S100P: variants seen among roughly 807,000 people sequenced by gnomAD.
The protein encoded by S100P is S100 calcium binding protein P.
S100P carries 7 observed loss-of-function variants against 4.7 expected under a neutral mutation model. The observed-to-expected ratio is 1.48, with a 90% confidence interval of 0.84 to 2.77. The LOEUF (loss-of-function observed/expected upper bound fraction) is 2.77. S100P is among the 30% of genes most tolerant of loss of function. The pLI is 0.00. For missense variants in S100P, 122 were observed against 120.6 expected (o/e 1.01, Z -0.06); for synonymous variants, 48 against 49.0 (o/e 0.98, Z 0.08).
intron 1 of S100P, among the ~76,000 whole-genome samples, chr4:6,696,117 C>G (rs1468636342): frequency 2.6e-5 from 4 of 152,232 alleles, no homozygotes; most frequent in Non-Finnish European, 4.4e-5. Context: ...ACACACAGCT[C>G]TCTGGCCCAG....
At chr4:6,696,129 G>C (rs1226199855) in intron 1 of S100P, among the ~76,000 whole-genome samples, 1 of 152,196 alleles carries the variant, frequency 6.6e-6, no homozygotes. Flanking sequence ...CTGGCCCAGG[G>C]CTGGGTCATC....
intron 1 of S100P, among the ~76,000 whole-genome samples, chr4:6,695,091 G>A (rs901855065): frequency 4.6e-5 from 7 of 150,912 alleles, no homozygotes; most frequent in African/African-American, 1.2e-4. Context: ...TCAGCCTACC[G>A]AGTAGCTGGG....
intron 1 of S100P, 31 bp downstream of exon 1, chr4:6,694,101 G>T (rs201438904): frequency 6.3e-7 from 1 of 1,575,110 alleles, no homozygotes; most frequent in South Asian, 1.2e-5. Flanking sequence ...TGGACTCAGC[G>T]GGGGCTGGGG....
chr4:6,694,383 C>T (rs983686402), intron 1 of S100P, among the ~76,000 whole-genome samples: 4 of 152,276 alleles, frequency 2.6e-5, no homozygotes, highest in African/African-American at 7.2e-5. Context: ...GGGGCAGGGG[C>T]GGAATGCAAT....
intron 1 of S100P, among the ~76,000 whole-genome samples, chr4:6,694,569 G>A (rs1210386531): frequency 6.6e-6 from 1 of 152,186 alleles, no homozygotes; most frequent in African/African-American, 2.4e-5. Context: ...GGAAGGACGG[G>A]AGGAGGCTCC....
At chr4:6,694,797 T>C (rs58986571) in intron 1 of S100P, among the ~76,000 whole-genome samples, 42,327 of 151,606 alleles carry the variant, frequency 0.28, 6,482 homozygotes, top group East Asian at 0.67. Flanking sequence ...TCCCCCACTT[T>C]CTTCCTTCCT....
intron 1 of S100P, among the ~76,000 whole-genome samples, chr4:6,695,893 ACTGT>A (rs1714362773): frequency 6.6e-6 from 1 of 152,204 alleles, no homozygotes; most frequent in Admixed American, 6.5e-5. Flanking sequence ...ATACGAGGTG[ACTGT>A]CTGCCTACAA....
Position 6,695,008 on chromosome 4 carries a change from A to G in S100P, c.138+938A>G, listed in dbSNP as rs915711789. On this transcript the variant is annotated intron_variant, in intron 1 of 1. Coordinates refer to ENST00000296370, the MANE Select transcript of S100P (RefSeq NM_005980.3). ...GAGACAAGATGTCACTCTGTCACCC[A>G]GGCTGGAGTGCAGTGGCAGGATCAC... Among the ~76,000 whole-genome samples, 45 of 148,342 alleles carry G rather than the reference A, an allele frequency of 3.0e-4. 1 individual carries two copies. The highest frequency in any genetic ancestry group is 1.5e-5 in the Non-Finnish European group (1 of 67,532).
intron 1 of S100P, among the ~76,000 whole-genome samples, chr4:6,694,274 G>C (rs1714316391): frequency 1.3e-5 from 2 of 152,366 alleles, no homozygotes; most frequent in African/African-American, 4.8e-5. Flanking sequence ...CATCTGAGCA[G>C]GGAGAGGGTG....
At chr4:6,695,549 G>A (rs952423089) in intron 1 of S100P, among the ~76,000 whole-genome samples, 2 of 152,150 alleles carry the variant, frequency 1.3e-5, no homozygotes, top group African/African-American at 4.8e-5. Flanking sequence ...CTTGGGGCTC[G>A]GGGTGTTCTG....
intron 1 of S100P, among the ~76,000 whole-genome samples, chr4:6,695,218 G>A (rs1049923338): frequency 1.3e-5 from 2 of 152,212 alleles, no homozygotes; most frequent in South Asian, 2.1e-4. Context: ...CGTCAGCCTC[G>A]ACATCTCAAA....
chr4:6,696,832 TG>T, intron 1 of S100P, 60 bp from the exon 2 acceptor site: 1 of 1,523,472 alleles, frequency 6.6e-7, no homozygotes, highest in Non-Finnish European at 8.9e-7. Context: ...CAGTGCTTGG[TG>T]GAGGCTGAGG....
intron 1 of S100P, 127 bp from the exon 2 acceptor site, chr4:6,696,766 C>T: frequency 6.9e-6 from 1 of 145,316 alleles, no homozygotes. Flanking sequence ...CACAGCTGGC[C>T]CTGGCCCTGA....
rs1330845292 is a variant in S100P, at chr4:6,697,038, A to G, written c.284A>G (p.Lys95Arg). The G allele has an allele frequency of 1.1e-5, 17 of 1,611,976 alleles. No homozygotes were observed. The highest frequency in any genetic ancestry group is 1.4e-5 in the Non-Finnish European group (17 of 1,178,744). The stretch of plus-strand genomic sequence containing the variant: ...AAGTACTTTGAGAAGGCAGGACTCA[A>G]ATGATGCCCTGGAGATGTCACAGAT... Reference protein sequence around the residue: ...CHKYFEKAGLK With the variant: ...CHKYFEKAGLR Residue 95 changes from lysine (K) to arginine (R), a missense_variant, in exon 2 of 2, where the codon AAA becomes AGA. Transcript: ENST00000296370.
chr4:6,696,762 T>C, intron 1 of S100P, 131 bp from the exon 2 acceptor site: 1 of 195,632 alleles, frequency 5.1e-6, no homozygotes. Context: ...TATGCACAGC[T>C]GGCCCTGGCC....
At chr4:6,695,079 C>T (rs1714339197) in intron 1 of S100P, among the ~76,000 whole-genome samples, 1 of 151,772 alleles carries the variant, frequency 6.6e-6, no homozygotes, top group Non-Finnish European at 1.5e-5. Flanking sequence ...GATCCTCCCA[C>T]CTCAGCCTAC....
chr4:6,696,849 C>T, intron 1 of S100P, 44 bp from the exon 2 acceptor site: 1 of 1,582,702 alleles, frequency 6.3e-7, no homozygotes, highest in Non-Finnish European at 8.6e-7. Flanking sequence ...TGAGGCCCTG[C>T]ACAGGCACCC....
intron 1 of S100P, among the ~76,000 whole-genome samples, chr4:6,695,303 C>A (rs778751057): frequency 9.2e-5 from 14 of 152,130 alleles, no homozygotes; most frequent in Non-Finnish European, 1.6e-4. Flanking sequence ...GTAAAGATAT[C>A]TTTTAAAAAT....
intron 1 of S100P, among the ~76,000 whole-genome samples, chr4:6,695,033 C>T (rs10937750): frequency 0.28 from 41,430 of 150,476 alleles, 5,862 homozygotes; most frequent in Middle Eastern, 0.36. Flanking sequence ...GGCAGGATCA[C>T]GGCTCACTGC....
Sources: gnomAD v4.1 joint callset for allele counts (sites outside exome capture counted in the v4.1 genomes callset) on GRCh38, gnomAD v4.1.1 for gene constraint, MANE v1.5 for transcripts, NCBI Gene and HGNC (gene_info 2026-07-23, HGNC 2026-07-21) for gene names.